Variants in GNA14 observed in about 807,000 individuals in gnomAD.
The protein encoded by GNA14 is guanine nucleotide-binding protein subunit alpha-14.
A neutral mutation model predicts 42.0 loss-of-function variants in GNA14; 50 were observed. The observed-to-expected ratio is 1.19, with a 90% CI of 0.95 to 1.51. The LOEUF (loss-of-function observed/expected upper bound fraction) is 1.51. GNA14 is among the 40% of genes most tolerant of loss of function. The probability of loss-of-function intolerance (pLI) is 0.00; values close to 1 mark genes in which losing one functional copy is unlikely to be tolerated. For missense variants in GNA14, 473 were observed against 446.2 expected (o/e 1.06, Z -0.54); for synonymous variants, 173 against 163.1 (o/e 1.06, Z -0.46).
At chr9:77,626,253 G>C (rs945557589) in intron 1 of GNA14, among the ~76,000 whole-genome samples, 4 of 152,146 alleles carry the variant, frequency 2.6e-5, no homozygotes, top group African/African-American at 9.7e-5. Flanking sequence ...AGTTCTTAGA[G>C]ACCTACAAAG....
intron 2 of GNA14, among the ~76,000 whole-genome samples, chr9:77,516,479 C>A (rs1837259485): frequency 6.6e-6 from 1 of 152,136 alleles, no homozygotes; most frequent in Non-Finnish European, 1.5e-5. Flanking sequence ...GTAATCCCAG[C>A]ACTTTGGGAG....
At chr9:77,439,599 C>A (rs530204736) in intron 2 of GNA14, among the ~76,000 whole-genome samples, 2 of 152,148 alleles carry the variant, frequency 1.3e-5, no homozygotes, top group Non-Finnish European at 2.9e-5. Flanking sequence ...ATCGTGCCAC[C>A]GCACTTCGGC....
In GNA14 at chr9:77,529,182, C is replaced by T. The variant is rs756624939; in HGVS notation, c.196G>A (p.Glu66Lys). The T allele has an allele frequency of 5.6e-6, 9 of 1,613,840 alleles. No individual in the cohort carries two copies. The African/African-American group carries it at 6.7e-5, about 12-fold the overall frequency. Residue 66 changes from glutamate to lysine, a missense_variant, in exon 2 of 7, where the codon GAA becomes AAA. By Grantham distance (56) the Glu-to-Lys change is moderately conservative. Coordinates refer to ENST00000341700, the MANE Select transcript of GNA14 (RefSeq NM_004297.4). ...RIIHGSGYSD[E>K]DRKGFTKLVY... The stretch of plus-strand genomic sequence containing the variant: ...AGCTTCGTGAACCCCTTTCTGTCTT[C>T]GTCGCTGTAACCAGACCCATGGATA...
At chr9:77,474,293 T>TA (rs773010369) in intron 2 of GNA14, among the ~76,000 whole-genome samples, 1 of 152,204 alleles carries the variant, frequency 6.6e-6, no homozygotes, top group Non-Finnish European at 1.5e-5. Context: ...GAAGAACGCT[T>TA]ACAACTCAGT....
intron 1 of GNA14, among the ~76,000 whole-genome samples, chr9:77,583,932 G>C (rs1476226031): frequency 1.3e-5 from 2 of 152,124 alleles, no homozygotes; most frequent in Non-Finnish European, 2.9e-5. Context: ...CAAACACGAT[G>C]CTCCATTGAT....
intron 1 of GNA14, among the ~76,000 whole-genome samples, chr9:77,631,046 A>G (rs1824091700): frequency 6.6e-6 from 1 of 152,216 alleles, no homozygotes; most frequent in South Asian, 2.1e-4. Flanking sequence ...ATATTATTTT[A>G]TTAGTTAGGA....
In GNA14 at chr9:77,556,828, T is replaced by C. The variant is rs541108169; in HGVS notation, c.125-27575A>G. 3.9e-5 allele frequency among the ~76,000 whole-genome samples: 6 copies of C among 152,330 alleles called. No homozygotes were observed. In the South Asian group the frequency reaches 1.2e-3, roughly 32 times the overall value. On this transcript the variant is annotated intron_variant, in intron 1 of 6. Transcript: ENST00000341700. ...GTTAAGGCACAGTTAAGAATGTATC[T>C]TTGGCAGGTACAACTTCAGCCGTTT...
chr9:77,580,324 C>T, intron 1 of GNA14: 1 of 338,994 alleles, frequency 2.9e-6, no homozygotes, highest in South Asian at 2.9e-5. Context: ...AAAGATACAA[C>T]CCGAATAGGT....
intron 1 of GNA14, among the ~76,000 whole-genome samples, chr9:77,642,178 T>C (rs191409036): frequency 2.6e-4 from 39 of 152,292 alleles, no homozygotes; most frequent in African/African-American, 8.7e-4. Context: ...TCAATAAAGA[T>C]GATTTGCAAA....
chr9:77,442,371 C>CA (rs1389149245), intron 2 of GNA14, among the ~76,000 whole-genome samples: 1 of 151,878 alleles, frequency 6.6e-6, no homozygotes, highest in Non-Finnish European at 1.5e-5. Context: ...GACTATGTCT[C>CA]AAAAAAAGAA....
chr9:77,603,544 A>G (rs904991752), intron 1 of GNA14, among the ~76,000 whole-genome samples: 1 of 152,170 alleles, frequency 6.6e-6, no homozygotes, highest in Non-Finnish European at 1.5e-5. Context: ...CTCTCCTGAA[A>G]GAGGAAATGG....
At chr9:77,581,783 T>G (rs1212729909) in intron 1 of GNA14, among the ~76,000 whole-genome samples, 1 of 152,210 alleles carries the variant, frequency 6.6e-6, no homozygotes, top group East Asian at 1.9e-4. Flanking sequence ...CACATTCCTG[T>G]GGATGCTTCT....
chr9:77,495,198 A>ATGC (rs1164363380), intron 2 of GNA14, among the ~76,000 whole-genome samples: 1 of 152,186 alleles, frequency 6.6e-6, no homozygotes, highest in African/African-American at 2.4e-5. Flanking sequence ...GAACTCTGTA[A>ATGC]GATGCCAGGC....
chr9:77,504,109 G>A (rs561521970), intron 2 of GNA14, among the ~76,000 whole-genome samples: 1 of 152,244 alleles, frequency 6.6e-6, no homozygotes, highest in Non-Finnish European at 1.5e-5. Context: ...TATTCCAACA[G>A]GCTTTATCGC....
chr9:77,603,169 T>A (rs1031114528), intron 1 of GNA14, among the ~76,000 whole-genome samples: 1 of 152,252 alleles, frequency 6.6e-6, no homozygotes, highest in Non-Finnish European at 1.5e-5. Context: ...TGAACAATTA[T>A]GTTTATATTA....
intron 1 of GNA14, among the ~76,000 whole-genome samples, chr9:77,591,491 C>T (rs919962845): frequency 2.6e-5 from 4 of 152,080 alleles, no homozygotes; most frequent in African/African-American, 9.7e-5. Flanking sequence ...AATTCTGGTC[C>T]CTCCCTCTCT....
At chr9:77,626,810 T>C (rs1402418036) in intron 1 of GNA14, among the ~76,000 whole-genome samples, 1 of 151,860 alleles carries the variant, frequency 6.6e-6, no homozygotes, top group East Asian at 1.9e-4. Context: ...CACCCTAACA[T>C]CACAATGAAA....
intron 2 of GNA14, among the ~76,000 whole-genome samples, chr9:77,452,729 T>C (rs935683711): frequency 3.7e-5 from 4 of 109,574 alleles, no homozygotes; most frequent in African/African-American, 1.0e-4. Flanking sequence ...CTCTCCAAAA[T>C]CCATACGTTG....
intron 6 of GNA14, 53 bp downstream of exon 6, chr9:77,425,509 G>A (rs28395812): frequency 0.011 from 14,991 of 1,403,366 alleles, 302 homozygotes; most frequent in African/African-American, 0.085. Flanking sequence ...ACTGATGCCC[G>A]GGAGGTGGAC....
Sources: allele counts gnomAD v4.1 joint callset (sites outside exome capture counted in the v4.1 genomes callset), GRCh38; gene constraint gnomAD v4.1.1; transcripts MANE v1.5; gene names NCBI Gene and HGNC (gene_info 2026-07-23, HGNC 2026-07-21).